BAIAP2: variants seen among roughly 807,000 people sequenced by gnomAD.
The protein encoded by BAIAP2 is BAR/IMD domain-containing adapter protein 2.
A neutral mutation model predicts 63.0 loss-of-function variants in BAIAP2; 18 were observed. That is an observed-to-expected ratio of 0.29 (90% CI 0.20 to 0.42). The LOEUF (loss-of-function observed/expected upper bound fraction) is 0.42, where lower values mean the gene tolerates loss of function less well. BAIAP2 is among the 10% of genes least tolerant of loss of function. The pLI is 1.00. For synonymous variants in BAIAP2, 386 were observed against 307.6 expected (o/e 1.25, Z -2.67); for missense variants, 610 against 734.3 (o/e 0.83, Z 1.96).
chr17:81,101,687 C>T (rs2058509802), intron 7 of BAIAP2, among the ~76,000 whole-genome samples: 1 of 152,234 alleles, frequency 6.6e-6, no homozygotes, highest in Admixed American at 6.5e-5. Context: ...GTCCCCACAG[C>T]CTGGGGACAG....
At chr17:81,040,463 A>AG (rs2046927597) in intron 1 of BAIAP2, among the ~76,000 whole-genome samples, 1 of 152,174 alleles carries the variant, frequency 6.6e-6, no homozygotes, top group Non-Finnish European at 1.5e-5. Context: ...CAATGACTTG[A>AG]GGGGCCTCAA....
chr17:81,080,382 G>A (rs1006126419), intron 3 of BAIAP2, among the ~76,000 whole-genome samples: 4 of 152,368 alleles, frequency 2.6e-5, no homozygotes, highest in Non-Finnish European at 2.9e-5. Flanking sequence ...TCGAAGCTCA[G>A]GGCGGGCACA....
At chr17:81,069,159 T>C (rs2052080118) in intron 3 of BAIAP2, among the ~76,000 whole-genome samples, 1 of 152,182 alleles carries the variant, frequency 6.6e-6, no homozygotes, top group Admixed American at 6.5e-5. Context: ...CTCCGAATGG[T>C]GGGTCCACGG....
intron 10 of BAIAP2, chr17:81,104,998 C>CAGGGATCTCCCCCCAACGGT: frequency 2.8e-6 from 1 of 363,264 alleles, no homozygotes; most frequent in Non-Finnish European, 5.1e-6. Context: ...CCCCCAACGG[C>CAGGGATCTCCCCCCAACGGT]AGGGATCTCC....
At chr17:81,040,332 C>T (rs952519887) in intron 1 of BAIAP2, among the ~76,000 whole-genome samples, 2 of 152,248 alleles carry the variant, frequency 1.3e-5, no homozygotes, top group African/African-American at 2.4e-5. Flanking sequence ...CCACAGCCTG[C>T]GCTAAGATCC....
At chr17:81,104,781 A>C in intron 10 of BAIAP2, 66 bp downstream of exon 10, 1 of 1,445,014 alleles carries the variant, frequency 6.9e-7, no homozygotes, top group African/African-American at 1.4e-5. Context: ...GGGCAGCGAC[A>C]CTCAAGTGCA....
chr17:81,071,568 G>A lies in BAIAP2; in HGVS notation c.218-13264G>A, dbSNP rs547358757. Among the ~76,000 whole-genome samples, 4 of 152,342 alleles carry A rather than the reference G, an allele frequency of 2.6e-5. 1 individual carries two copies. The South Asian group carries it at 8.3e-4, about 32-fold the overall frequency. On this transcript the variant is annotated intron_variant, in intron 3 of 13. Coordinates refer to ENST00000428708, the MANE Select transcript of BAIAP2 (RefSeq NM_001144888.2). ...CAGCAGAGAAAGGAGAAGAGTTCCA[G>A]TGCCTCCGGAAGCAACAGAAATATC...
At chr17:81,099,787 T>TGGCCGCA in intron 6 of BAIAP2, 141 bp from the exon 7 acceptor site, 1 of 942,216 alleles carries the variant, frequency 1.1e-6, no homozygotes, top group South Asian at 1.8e-5. Flanking sequence ...GTCTCCTGAG[T>TGGCCGCA]GGCCGCAGAT....
At chr17:81,084,244 TCTC>T (rs1200715979) in intron 3 of BAIAP2, among the ~76,000 whole-genome samples, 5 of 151,946 alleles carry the variant, frequency 3.3e-5, no homozygotes, top group African/African-American at 4.8e-5. Flanking sequence ...TGGGGCCAGG[TCTC>T]CTCAGACCAC....
Position 81,035,317 on chromosome 17 carries a change from C to A in BAIAP2, c.54+9C>A, listed in dbSNP as rs774660651. ...CGGAAAATGTCTATAAGGTGAGCGC[C>A]CCCCGGCGCCGAGCTGAGCCCGCTC... On this transcript the variant is annotated intron_variant, in intron 1 of 13. Transcript: ENST00000428708. The A allele has an allele frequency of 5.6e-6, 8 of 1,433,182 alleles. No homozygotes were observed. In the Admixed American group the frequency reaches 9.0e-5, roughly 16 times the overall value. The allele number at this position is 1,433,182 out of a possible 1,614,324, so 88.8% of individuals were successfully genotyped here. A position where few individuals can be genotyped will look rare whatever the true frequency, so the allele number is the denominator to read the frequency against.
At chr17:81,100,980 C>G (rs2058402966) in intron 7 of BAIAP2, among the ~76,000 whole-genome samples, 1 of 152,272 alleles carries the variant, frequency 6.6e-6, no homozygotes, top group South Asian at 2.1e-4. Context: ...ACCCCTCTGC[C>G]CGTCATCTGT....
intron 3 of BAIAP2, among the ~76,000 whole-genome samples, chr17:81,060,785 G>A (rs760833048): frequency 3.9e-5 from 6 of 152,252 alleles, no homozygotes; most frequent in South Asian, 2.1e-4. Context: ...CCTCGGCTGC[G>A]TGTCTAAGAG....
chr17:81,101,674 C>T lies in BAIAP2; in HGVS notation c.642+1594C>T, dbSNP rs997573972. 7.2e-5 allele frequency among the ~76,000 whole-genome samples: 11 copies of T among 152,338 alleles called. No homozygotes were observed. The East Asian group carries it at 2.1e-3, about 29-fold the overall frequency. ...ACGCACGTGATACAGAACCAGTGCT[C>T]CAGTCCCCACAGCCTGGGGACAGCC... On this transcript the variant is annotated intron_variant, in intron 7 of 13. Transcript: ENST00000428708.
chr17:81,043,760 G>A lies in BAIAP2; in HGVS notation c.54+8452G>A, dbSNP rs553492352. 4.2e-4 allele frequency among the ~76,000 whole-genome samples: 64 copies of A among 152,298 alleles called. 1 individual carries two copies. Among genetic ancestry groups the A allele is most frequent in the Admixed American group, 6.5e-5 (1 of 15,312 alleles). On this transcript the variant is annotated intron_variant, in intron 1 of 13. Coordinates refer to ENST00000428708, the MANE Select transcript of BAIAP2 (RefSeq NM_001144888.2). ...TCGGTTCAGGGAGAAGTGTGTCCCCGCCCGTAAGCTGGAGTGGCTGAGCTC... is the reference window on the plus strand; with the variant it reads ...TCGGTTCAGGGAGAAGTGTGTCCCCACCCGTAAGCTGGAGTGGCTGAGCTC...
At chr17:81,095,056 C>G (rs958291192) in intron 6 of BAIAP2, among the ~76,000 whole-genome samples, 2 of 152,248 alleles carry the variant, frequency 1.3e-5, no homozygotes, top group Admixed American at 1.3e-4. Flanking sequence ...TCTCTGATCA[C>G]GGGGCTGTTC....
At chr17:81,040,806 G>T (rs1164307088) in intron 1 of BAIAP2, among the ~76,000 whole-genome samples, 1 of 152,200 alleles carries the variant, frequency 6.6e-6, no homozygotes, top group East Asian at 1.9e-4. Flanking sequence ...GGTGGCCCTG[G>T]TGTGGGGCTG....
chr17:81,091,920 C>A (rs1403693043), intron 6 of BAIAP2, among the ~76,000 whole-genome samples: 1 of 151,668 alleles, frequency 6.6e-6, no homozygotes, highest in Non-Finnish European at 1.5e-5. Context: ...GGTGGTGCAG[C>A]CATGTGGGTG....
At chr17:81,065,479 G>A (rs997623680) in intron 3 of BAIAP2, among the ~76,000 whole-genome samples, 2 of 152,218 alleles carry the variant, frequency 1.3e-5, no homozygotes, top group Admixed American at 1.3e-4. Flanking sequence ...TCACCATGCC[G>A]CTGGGCCGTG....
Position 81,035,318 on chromosome 17 carries a change from C to G in BAIAP2, c.54+10C>G. On this transcript the variant is annotated intron_variant, in intron 1 of 13. Coordinates refer to ENST00000428708, the MANE Select transcript of BAIAP2 (RefSeq NM_001144888.2). ...GGAAAATGTCTATAAGGTGAGCGCC[C>G]CCCGGCGCCGAGCTGAGCCCGCTCC... 7.0e-7 allele frequency: 1 copy of G among 1,432,618 alleles called. No individual in the cohort carries two copies. Among genetic ancestry groups the G allele is most frequent in the Non-Finnish European group, 9.3e-7 (1 of 1,079,574 alleles). The allele number at this position is 1,432,618 out of a possible 1,614,324, so 88.7% of individuals were successfully genotyped here. A position where few individuals can be genotyped will look rare whatever the true frequency, so the allele number is the denominator to read the frequency against.
Sources: allele counts gnomAD v4.1 joint callset (sites outside exome capture counted in the v4.1 genomes callset), GRCh38; gene constraint gnomAD v4.1.1; transcripts MANE v1.5; gene names NCBI Gene and HGNC (gene_info 2026-07-23, HGNC 2026-07-21).